Variants in NPAS1 observed in about 807,000 individuals in gnomAD.
NPAS1 encodes neuronal PAS domain-containing protein 1.
NPAS1 carries 29 observed loss-of-function variants against 49.2 expected under a neutral mutation model. That is an observed-to-expected ratio of 0.59 (90% CI 0.44 to 0.80). The LOEUF is 0.80. Ranked by LOEUF, NPAS1 falls within the 30% of genes least tolerant of loss-of-function variation. The pLI, the probability that NPAS1 is intolerant of heterozygous loss-of-function variation, is 0.00. For missense variants in NPAS1, 825 were observed against 835.5 expected (o/e 0.99, Z 0.15); for synonymous variants, 408 against 380.4 (o/e 1.07, Z -0.84).
chr19:47,022,642 T>G (rs1280333499), intron 3 of NPAS1, among the ~76,000 whole-genome samples: 1 of 152,188 alleles, frequency 6.6e-6, no homozygotes, highest in East Asian at 1.9e-4. Context: ...TTGGAGCATC[T>G]CCTGCCTGTC....
chr19:47,044,046 AC>A (rs2057049031), intron 11 of NPAS1, among the ~76,000 whole-genome samples: 1 of 152,120 alleles, frequency 6.6e-6, no homozygotes, highest in Admixed American at 6.6e-5. Context: ...AGCCTGGGTG[AC>A]GGGGTAAGAC....
At chr19:47,040,896 G>T in intron 9 of NPAS1, 82 bp from the exon 10 acceptor site, 1 of 1,218,284 alleles carries the variant, frequency 8.2e-7, no homozygotes, top group Non-Finnish European at 1.1e-6. Flanking sequence ...CACTCCTCCT[G>T]TCTCCTCCTG....
chr19:47,038,981 G>C, intron 6 of NPAS1, 55 bp from the exon 7 acceptor site: 1 of 1,480,026 alleles, frequency 6.8e-7, no homozygotes, highest in Non-Finnish European at 9.4e-7. Flanking sequence ...GGGTCAGGGT[G>C]GCCTGTGTGT....
intron 6 of NPAS1, among the ~76,000 whole-genome samples, chr19:47,037,337 C>CAA (rs1345663038): frequency 2.4e-5 from 1 of 42,414 alleles, no homozygotes; most frequent in African/African-American, 1.4e-4. Flanking sequence ...GACTCCGTCT[C>CAA]CAAAAAAAAA....
At position 47,032,316 on chromosome 19, in the gene NPAS1, G is replaced by C. The variant is rs748372693; in HGVS notation, c.397G>C (p.Val133Leu). The change falls in exon 4 of 12, where the codon GTC (valine) becomes CTC (leucine). Residue 133 changes from valine (V) to leucine (L), a missense_variant. By Grantham distance (32) the Val-to-Leu change is conservative. Transcript: ENST00000602212. ...RRGPAALVSEVFEQHLGGHIL... is the reference protein window; with the variant it reads ...RRGPAALVSELFEQHLGGHIL... The stretch of plus-strand genomic sequence containing the variant: ...CGGCCCCGCAGCGCTGGTCTCCGAA[G>C]TCTTCGAGCAGCACCTGGGAGGTCA... The C allele has an allele frequency of 1.9e-6, 3 of 1,614,090 alleles. No individual in the cohort carries two copies. Among genetic ancestry groups the C allele is most frequent in the East Asian group, 4.5e-5 (2 of 44,886 alleles).
rs567661239 is a variant in NPAS1 at position 47,025,219 on chromosome 19, C to A, written c.358+3372C>A. ...TGAGCCTGGAGTAGCATCTGGGACA[C>A]AATGAAGGCTTACTAAATTGTTGAG... is the stretch of plus-strand genomic sequence containing the variant. On this transcript the variant is annotated intron_variant, in intron 3 of 11. Transcript: ENST00000602212. Among the ~76,000 whole-genome samples the A allele has an allele frequency of 8.1e-5, 11 of 135,784 alleles. 2 individuals carry two copies. Among genetic ancestry groups the A allele is most frequent in the Non-Finnish European group, 1.7e-4 (10 of 60,186 alleles). The allele number at this position is 135,784 out of a possible 152,430, so 89.1% of individuals were successfully genotyped here.
chr19:47,028,798 C>G (rs2056889156), intron 3 of NPAS1, among the ~76,000 whole-genome samples: 1 of 152,138 alleles, frequency 6.6e-6, no homozygotes, highest in African/African-American at 2.4e-5. Context: ...TGGCTCCCCA[C>G]TCTCAGCACT....
chr19:47,035,726 T>C (rs2056946893), intron 5 of NPAS1: 2 of 494,836 alleles, frequency 4.0e-6, no homozygotes, highest in East Asian at 6.9e-5. Context: ...CACAGCCCCT[T>C]AATAGAGTGG....
chr19:47,042,680 G>A, intron 10 of NPAS1, 130 bp from the exon 11 acceptor site: 1 of 624,930 alleles, frequency 1.6e-6, no homozygotes, highest in South Asian at 2.4e-5. Flanking sequence ...AGCCTTGTAA[G>A]TGCCTCAGGG....
Position 47,039,500 on chromosome 19 carries a change from C to T in NPAS1, c.898C>T (p.Leu300Phe). The change falls in exon 8 of 12, where the codon CTC (leucine) becomes TTC (phenylalanine). Residue 300 changes from leucine to phenylalanine, a missense_variant. Physicochemically the swap from Leu to Phe is conservative, Grantham distance 22. Coordinates refer to ENST00000602212, the MANE Select transcript of NPAS1 (RefSeq NM_002517.4). ...CCCGGCCCCCCTGGCTGAGCTGCCA[C>T]TCCATGGACACATGATCGTCTTCCG... Reference protein sequence around the residue: ...LPPAPLAELPLHGHMIVFRLS... With the variant: ...LPPAPLAELPFHGHMIVFRLS... 3.7e-6 allele frequency: 6 copies of T among 1,611,224 alleles called. No homozygotes were observed. Among genetic ancestry groups the T allele is most frequent in the Non-Finnish European group, 5.1e-6 (6 of 1,178,638 alleles).
chr19:47,044,812 C>T (rs191906294), intron 11 of NPAS1, among the ~76,000 whole-genome samples: 1 of 152,188 alleles, frequency 6.6e-6, no homozygotes, highest in East Asian at 1.9e-4. Flanking sequence ...GGCAGATCAC[C>T]TGAGGTCAGG....
chr19:47,023,865 G>C (rs961484259), intron 3 of NPAS1, among the ~76,000 whole-genome samples: 2 of 152,182 alleles, frequency 1.3e-5, no homozygotes, highest in Admixed American at 6.5e-5. Flanking sequence ...CCAGCACTTT[G>C]GGAGGCCAAG....
chr19:47,024,487 C>T (rs2056859801), intron 3 of NPAS1, among the ~76,000 whole-genome samples: 2 of 132,836 alleles, frequency 1.5e-5, no homozygotes, highest in Admixed American at 8.0e-5. Context: ...CCCCGTTCTC[C>T]AGAAAAAGGA....
intron 3 of NPAS1, among the ~76,000 whole-genome samples, chr19:47,030,232 C>T (rs1351571311): frequency 6.6e-6 from 1 of 152,128 alleles, no homozygotes; most frequent in Non-Finnish European, 1.5e-5. Flanking sequence ...CCATGTTGGC[C>T]AGGCTGGTCT....
In NPAS1 at chr19:47,021,345, T is replaced by G. The variant is rs922207095; in HGVS notation, c.122+176T>G. ...CTGAGCCCGGTCCCCTGCGTTCTGC[T>G]TCTAGTCCCGGTCCTCAGAATTCAC... is the stretch of plus-strand genomic sequence containing the variant. On this transcript the variant is annotated intron_variant, in intron 2 of 11. Coordinates refer to ENST00000602212, the MANE Select transcript of NPAS1 (RefSeq NM_002517.4). The surrounding 1 kb of genome is among the most constrained non-coding windows in gnomAD (Gnocchi z 5.7). Among the ~76,000 whole-genome samples, 2 of 152,230 alleles carry G rather than the reference T, an allele frequency of 1.3e-5. No individual in the cohort carries two copies. The highest frequency in any genetic ancestry group is 2.9e-5 in the Non-Finnish European group (2 of 68,032).
chr19:47,020,898 C>G, intron 1 of NPAS1, 108 bp from the exon 2 acceptor site: 2 of 362,920 alleles, frequency 5.5e-6, no homozygotes, highest in South Asian at 5.3e-5. Context: ...ATCCAGGCCC[C>G]CCCCCCCCCA....
intron 1 of NPAS1, among the ~76,000 whole-genome samples, chr19:47,020,645 G>T (rs2056833015): frequency 6.6e-6 from 1 of 151,924 alleles, no homozygotes; most frequent in Admixed American, 6.5e-5. Context: ...GCCTGGCCCG[G>T]GAGGCGCCCG....
In NPAS1 at chr19:47,039,693, A is replaced by G. The variant is rs934348935; in HGVS notation, c.962+129A>G. 2.9e-6 allele frequency: 3 copies of G among 1,035,364 alleles called. No individual in the cohort carries two copies. In the African/African-American group the frequency reaches 4.8e-5, roughly 17 times the overall value. 64.1% of individuals were successfully genotyped at this position (1,035,364 alleles called of 1,614,324 possible). On this transcript the variant is annotated intron_variant, in intron 8 of 11. Coordinates refer to ENST00000602212, the MANE Select transcript of NPAS1 (RefSeq NM_002517.4). ...GGGAGCCATGGGAGGCGGAACAGCA[A>G]TGGATGGGACAGGGTGATGGGGAGA...
chr19:47,029,387 G>T (rs1246842348), intron 3 of NPAS1, among the ~76,000 whole-genome samples: 1 of 117,770 alleles, frequency 8.5e-6, no homozygotes, highest in Non-Finnish European at 1.8e-5. Flanking sequence ...CCCGGCCTTA[G>T]TATTTTTATT....
Sources: allele counts gnomAD v4.1 joint callset (sites outside exome capture counted in the v4.1 genomes callset), GRCh38; gene constraint gnomAD v4.1.1; non-coding constraint Gnocchi (gnomAD v3.1); transcripts MANE v1.5; gene names NCBI Gene and HGNC (gene_info 2026-07-23, HGNC 2026-07-21).